RIMS2: variants seen among roughly 807,000 people sequenced by gnomAD.
The protein encoded by RIMS2 is regulating synaptic membrane exocytosis protein 2.
A neutral mutation model predicts 174.4 loss-of-function variants in RIMS2; 59 were observed. The ratio of observed to expected loss-of-function variants is 0.34; its 90% confidence interval spans 0.27 to 0.42. The LOEUF (loss-of-function observed/expected upper bound fraction) is 0.42, where lower values mean the gene tolerates loss of function less well. Among genes scored for constraint, RIMS2 ranks in the 10% least tolerant of loss-of-function variants. The probability of loss-of-function intolerance (pLI) is 1.00; values close to 1 mark genes in which losing one functional copy is unlikely to be tolerated. For missense variants in RIMS2, 1,620 were observed against 1,666.3 expected (o/e 0.97, Z 0.48); for synonymous variants, 606 against 572.5 (o/e 1.06, Z -0.84).
intron 19 of RIMS2, among the ~76,000 whole-genome samples, chr8:104,154,915 G>A (rs1486461600): frequency 6.6e-6 from 1 of 151,492 alleles, no homozygotes; most frequent in Non-Finnish European, 1.5e-5. Context: ...ATTCCATGAG[G>A]CTACATGATA....
At chr8:104,164,475 A>G (rs2098784527) in intron 19 of RIMS2, among the ~76,000 whole-genome samples, 1 of 152,252 alleles carries the variant, frequency 6.6e-6, no homozygotes, top group Non-Finnish European at 1.5e-5. Flanking sequence ...AAAAATAAAA[A>G]TCATAAATTT....
At chr8:103,647,571 T>C (rs1429013228) in intron 1 of RIMS2, among the ~76,000 whole-genome samples, 1 of 152,176 alleles carries the variant, frequency 6.6e-6, no homozygotes, top group Non-Finnish European at 1.5e-5. Context: ...TTTGGGTTGG[T>C]AGGCTATCTA....
At chr8:103,847,630 C>T (rs2098974817) in intron 3 of RIMS2, among the ~76,000 whole-genome samples, 1 of 151,936 alleles carries the variant, frequency 6.6e-6, no homozygotes. Context: ...ACTTGGAATG[C>T]CTCTTTATGT....
chr8:103,555,809 A>AG, intron 1 of RIMS2, among the ~76,000 whole-genome samples: 1 of 151,830 alleles, frequency 6.6e-6, no homozygotes, highest in Non-Finnish European at 1.5e-5. Context: ...TCAAAAAAAA[A>AG]AAAAAGAAAA....
intron 14 of RIMS2, among the ~76,000 whole-genome samples, chr8:103,943,911 G>C (rs1015714348): frequency 6.6e-6 from 1 of 152,110 alleles, no homozygotes; most frequent in African/African-American, 2.4e-5. Context: ...TTAATCATGG[G>C]AAGTATAGCT....
intron 3 of RIMS2, among the ~76,000 whole-genome samples, chr8:103,832,447 A>T (rs1289622934): frequency 6.6e-6 from 1 of 152,148 alleles, no homozygotes. Context: ...AACTTATGTC[A>T]TGGGGGTTTG....
intron 19 of RIMS2, among the ~76,000 whole-genome samples, chr8:104,206,084 GA>G (rs911392369): frequency 6.6e-6 from 1 of 152,076 alleles, no homozygotes; most frequent in Non-Finnish European, 1.5e-5. Flanking sequence ...TTATGAAGAG[GA>G]AAAGGAAGTC....
At chr8:104,246,263 A>G (rs904629083) in intron 20 of RIMS2, among the ~76,000 whole-genome samples, 2 of 152,194 alleles carry the variant, frequency 1.3e-5, no homozygotes, top group Non-Finnish European at 2.9e-5. Flanking sequence ...GTAAATCTCC[A>G]TGGCTAAGAT....
intron 1 of RIMS2, among the ~76,000 whole-genome samples, chr8:103,607,031 TG>T (rs898010745): frequency 5.8e-4 from 89 of 152,242 alleles, no homozygotes; most frequent in African/African-American, 2.1e-3. Context: ...TGTGTGAATC[TG>T]ATCTTGTCGT....
intron 19 of RIMS2, among the ~76,000 whole-genome samples, chr8:104,059,463 T>A (rs1424304753): frequency 6.6e-6 from 1 of 151,144 alleles, no homozygotes; most frequent in Non-Finnish European, 1.5e-5. Context: ...CTTAAGGAGA[T>A]TTTGGGCTGA....
At chr8:104,175,869 T>A (rs562711181) in intron 19 of RIMS2, among the ~76,000 whole-genome samples, 10 of 152,276 alleles carry the variant, frequency 6.6e-5, no homozygotes, top group African/African-American at 2.2e-4. Context: ...CAGTCACTGA[T>A]GTATGCTCTC....
chr8:103,853,288 T>A (rs915340105), intron 3 of RIMS2, among the ~76,000 whole-genome samples: 1 of 151,982 alleles, frequency 6.6e-6, no homozygotes, highest in African/African-American at 2.4e-5. Context: ...CTTGTTGAAT[T>A]GTTTCTGATG....
At chr8:103,926,049 T>C (rs1565350900) in intron 10 of RIMS2, among the ~76,000 whole-genome samples, 1 of 151,658 alleles carries the variant, frequency 6.6e-6, no homozygotes, top group Non-Finnish European at 1.5e-5. Context: ...GTGAGATGCA[T>C]GTCTGAGTTC....
intron 8 of RIMS2, among the ~76,000 whole-genome samples, 186 bp from the exon 12 acceptor site, chr8:103,918,255 C>G (rs2076972098): frequency 6.6e-6 from 1 of 151,958 alleles, no homozygotes; most frequent in Non-Finnish European, 1.5e-5. Flanking sequence ...TTGGGGTTAG[C>G]CCAGGATACT....
chr8:103,571,660 C>T (rs2092816464), intron 1 of RIMS2, among the ~76,000 whole-genome samples: 1 of 152,054 alleles, frequency 6.6e-6, no homozygotes, highest in Non-Finnish European at 1.5e-5. Flanking sequence ...TATATTAATA[C>T]TTTTTGTTGT....
intron 19 of RIMS2, among the ~76,000 whole-genome samples, chr8:104,052,516 A>C (rs2096803010): frequency 6.6e-6 from 1 of 152,190 alleles, no homozygotes; most frequent in Non-Finnish European, 1.5e-5. Flanking sequence ...AAAGCTTTGA[A>C]TCTAAAGCAG....
At chr8:103,713,185 A>G (rs1055254553) in intron 2 of RIMS2, among the ~76,000 whole-genome samples, 1 of 152,032 alleles carries the variant, frequency 6.6e-6, no homozygotes, top group Non-Finnish European at 1.5e-5. Context: ...TGCTTGGCTA[A>G]TTTTTGTATA....
At chr8:104,177,805 G>A (rs1194950318) in intron 19 of RIMS2, among the ~76,000 whole-genome samples, 1 of 152,094 alleles carries the variant, frequency 6.6e-6, no homozygotes, top group Admixed American at 6.6e-5. Flanking sequence ...ACTGTAAAAT[G>A]CTGGCCTCGG....
chr8:103,694,493 G>C (rs1385059154), intron 1 of RIMS2, among the ~76,000 whole-genome samples: 1 of 152,058 alleles, frequency 6.6e-6, no homozygotes, highest in Non-Finnish European at 1.5e-5. Flanking sequence ...TATAATAATG[G>C]GAGTATTCAG....
Sources: allele counts gnomAD v4.1 joint callset (sites outside exome capture counted in the v4.1 genomes callset), GRCh38; gene constraint gnomAD v4.1.1; transcripts MANE v1.5; gene names NCBI Gene and HGNC (gene_info 2026-07-23, HGNC 2026-07-21).